The following POLR3E variants were observed in gnomAD, a reference collection of about 807,000 sequenced individuals.
POLR3E encodes DNA-directed RNA polymerase III subunit RPC5.
In POLR3E, 41 loss-of-function variants were observed where a neutral mutation model predicts 96.6. The ratio of observed to expected loss-of-function variants is 0.42; its 90% CI spans 0.33 to 0.55. The LOEUF is 0.55. Ranked by LOEUF, POLR3E falls within the 20% of genes least tolerant of loss-of-function variation. The pLI is 0.06. For synonymous variants in POLR3E, 396 were observed against 383.6 expected, an observed-to-expected ratio of 1.03 and a Z score of -0.38; for missense variants, 849 against 952.1, an observed-to-expected ratio of 0.89 and a Z score of 1.43.
intron 4 of POLR3E, 151 bp from the exon 5 acceptor site, chr16:22,308,774 G>A: frequency 1.7e-6 from 1 of 597,108 alleles, no homozygotes; most frequent in South Asian, 2.0e-5. Flanking sequence ...CCCTTGGTGT[G>A]GACTGAAGTC....
chr16:22,310,917 G>C (rs774270986), intron 6 of POLR3E, among the ~76,000 whole-genome samples: 1 of 151,916 alleles, frequency 6.6e-6, no homozygotes, highest in Non-Finnish European at 1.5e-5. Context: ...GCAAGACTCT[G>C]TCTTGAAAAA....
At chr16:22,321,075 G>A (rs1384074387) in intron 13 of POLR3E, among the ~76,000 whole-genome samples, 3 of 152,068 alleles carry the variant, frequency 2.0e-5, no homozygotes, top group Non-Finnish European at 2.9e-5. Context: ...TCTCTTCGGC[G>A]AATCCTCCCC....
At position 22,299,495 on chromosome 16, in the gene POLR3E, C is replaced by G. The variant is rs1182181790; in HGVS notation, c.-39+1958C>G. ...GTGGCAAGATCTCGGCTCACTGCAACCTCTGCCTTCTGGGTTCAAGTGATT... is the reference window on the plus strand; with the variant it reads ...GTGGCAAGATCTCGGCTCACTGCAAGCTCTGCCTTCTGGGTTCAAGTGATT... On this transcript the variant is annotated intron_variant, in intron 1 of 20. Transcript: ENST00000299853. 3.3e-5 allele frequency among the ~76,000 whole-genome samples: 5 copies of G among 149,728 alleles called. No individual in the cohort carries two copies. In the East Asian group the frequency reaches 7.8e-4, roughly 23 times the overall value.
chr16:22,331,659 G>A (rs1054427392), intron 19 of POLR3E: 1 of 155,306 alleles, frequency 6.4e-6, no homozygotes, highest in Non-Finnish European at 1.4e-5. Context: ...CACCAATTTT[G>A]ACACCCTCTT....
At chr16:22,329,897 A>G (rs2048699524) in intron 19 of POLR3E, among the ~76,000 whole-genome samples, 2 of 150,602 alleles carry the variant, frequency 1.3e-5, no homozygotes, top group South Asian at 4.2e-4. Context: ...CCAAAGTGCT[A>G]GGATCATAGG....
chr16:22,306,732 G>T (rs757884202), intron 3 of POLR3E, among the ~76,000 whole-genome samples: 3 of 152,212 alleles, frequency 2.0e-5, no homozygotes, highest in African/African-American at 4.8e-5. Context: ...TTTCTTCTAG[G>T]TATATGCCTG....
chr16:22,324,627 G>A lies in POLR3E; in HGVS notation c.1253G>A (p.Arg418Gln), dbSNP rs1387340923. 1.9e-6 allele frequency: 3 copies of A among 1,613,842 alleles called. No homozygotes were observed. The highest frequency in any genetic ancestry group is 2.2e-5 in the East Asian group (1 of 44,766). ...FIKKHPDVVQRQHMLWTGIQA... is the reference protein window; with the variant it reads ...FIKKHPDVVQQQHMLWTGIQA... The stretch of plus-strand genomic sequence containing the variant: ...AAGAAGCACCCGGATGTGGTCCAGC[G>A]GCAGCACATGCTGTGGACGGGTATC... The change falls in exon 16 of 21, where the codon CGG (arginine) becomes CAG (glutamine). Residue 418 changes from arginine (R) to glutamine (Q), a missense_variant. By Grantham distance (43) the Arg-to-Gln change is conservative. Transcript: ENST00000299853.
At chr16:22,303,950 A>G (rs2048082468) in intron 2 of POLR3E, among the ~76,000 whole-genome samples, 1 of 149,404 alleles carries the variant, frequency 6.7e-6, no homozygotes, top group African/African-American at 2.5e-5. Context: ...AGCTGGGATT[A>G]CGGGCGCCCG....
intron 16 of POLR3E, among the ~76,000 whole-genome samples, chr16:22,324,901 C>T (rs2048547055): frequency 6.6e-6 from 1 of 152,160 alleles, no homozygotes; most frequent in Admixed American, 6.5e-5. Context: ...ACAGCCAGTA[C>T]CTGCTCATCA....
intron 3 of POLR3E, among the ~76,000 whole-genome samples, chr16:22,305,718 T>C (rs1376880742): frequency 1.3e-5 from 2 of 152,138 alleles, no homozygotes; most frequent in African/African-American, 4.8e-5. Context: ...TCCTGCCAGC[T>C]GCGAGGGCCC....
chr16:22,309,088 G>GGAA, intron 5 of POLR3E, 48 bp downstream of exon 5: 3 of 1,352,680 alleles, frequency 2.2e-6, no homozygotes, highest in Non-Finnish European at 3.2e-6. Context: ...GTTCACACAG[G>GGAA]AGCCTCCAAA....
At chr16:22,325,446 A>C (rs1192834416) in intron 17 of POLR3E, 180 bp downstream of exon 17, 2 of 652,910 alleles carry the variant, frequency 3.1e-6, no homozygotes, top group Non-Finnish European at 5.4e-6. Context: ...GCCCAGCAGC[A>C]GAGCCTCAGG....
chr16:22,309,738 C>T (rs771659172), intron 6 of POLR3E: 1 of 579,432 alleles, frequency 1.7e-6, no homozygotes. Flanking sequence ...GGGTGGGGCT[C>T]CAAGTTCATT....
chr16:22,302,643 G>C lies in POLR3E; in HGVS notation c.-38-288G>C, dbSNP rs1050673160. On this transcript the variant is annotated intron_variant, in intron 1 of 20. Coordinates refer to ENST00000299853, the MANE Select transcript of POLR3E (RefSeq NM_018119.4). ...CAGTGAATTCTCTGTGAGCAGAGAA[G>C]AAACCATTAAAGCCAGTCATTTGCC... 12 of 363,242 alleles carry C rather than the reference G, an allele frequency of 3.3e-5. No individual in the cohort carries two copies. In the Admixed American group the frequency reaches 5.1e-4, roughly 15 times the overall value. 22.5% of individuals were successfully genotyped at this position (363,242 alleles called of 1,614,324 possible). A position where few individuals can be genotyped will look rare whatever the true frequency, so the allele number is the denominator to read the frequency against.
Position 22,317,125 on chromosome 16 carries a change from G to C in POLR3E, c.784G>C (p.Val262Leu), listed in dbSNP as rs771589432. Residue 262 changes from valine to leucine, a missense_variant, in exon 12 of 21, where the codon GTG becomes CTG. Transcript: ENST00000299853. ...PSQEEEKDKP[V>L]APSNVLSMAQ... is the part of the protein sequence containing the mutation. ...CTCTGCTTTTCCCAGAGACAAGCCTGTGGCCCCCAGCAACGTCCTGTCGAT... is the reference window on the plus strand; with the variant it reads ...CTCTGCTTTTCCCAGAGACAAGCCTCTGGCCCCCAGCAACGTCCTGTCGAT... 49 of 1,614,060 alleles carry C rather than the reference G, an allele frequency of 3.0e-5. No individual in the cohort carries two copies. The highest frequency in any genetic ancestry group is 4.1e-5 in the Non-Finnish European group (48 of 1,180,018).
At chr16:22,330,357 T>C (rs1358784930) in intron 19 of POLR3E, among the ~76,000 whole-genome samples, 1 of 152,194 alleles carries the variant, frequency 6.6e-6, no homozygotes. Flanking sequence ...AGTGCTGGGA[T>C]TACAAGCGTG....
rs1418586052 is a variant in POLR3E, at chr16:22,322,906, T to C, written c.1043T>C (p.Val348Ala). ...SSPHSGVPAE[V>A]LCRGRDFVMW... ...CCTCACAGCGGCGTGCCTGCTGAGG[T>C]GCTCTGCAGGGGCCGAGACTTCGTT... The change falls in exon 14 of 21, where the codon GTG (valine) becomes GCG (alanine). Residue 348 changes from valine (V) to alanine (A), a missense_variant. Val to Ala is a moderately conservative substitution (Grantham distance 64). Coordinates refer to ENST00000299853, the MANE Select transcript of POLR3E (RefSeq NM_018119.4). This position sits in a 1 kb window ranked among gnomAD's most constrained non-coding sequence, Gnocchi z 5.2. The C allele has an allele frequency of 1.2e-6, 2 of 1,612,388 alleles. No homozygotes were observed. The highest frequency in any genetic ancestry group is 1.7e-6 in the Non-Finnish European group (2 of 1,179,120).
Position 22,332,124 on chromosome 16 carries a change from C to G in POLR3E, c.2009C>G (p.Ser670Cys). 1 of 1,613,088 alleles carries G rather than the reference C, an allele frequency of 6.2e-7. No homozygotes were observed. Among genetic ancestry groups the G allele is most frequent in the Non-Finnish European group, 8.5e-7 (1 of 1,179,064 alleles). The stretch of plus-strand genomic sequence containing the variant: ...CGGGTACGCCGAAACATGATCCAGT[C>G]TCGGTTGACTCAAGAGTGTGGAGAA... ...NYRVRRNMIQ[S>C]RLTQECGEDL... is the part of the protein sequence containing the mutation. The change falls in exon 20 of 21, where the codon TCT becomes TGT. Residue 670 changes from serine to cysteine, a missense_variant. Coordinates refer to ENST00000299853, the MANE Select transcript of POLR3E (RefSeq NM_018119.4).
rs2048793773 is a variant in POLR3E, at chr16:22,333,791, A to G, written c.*91A>G. The G allele has an allele frequency of 3.5e-6, 3 of 860,520 alleles. No homozygotes were observed. The highest frequency in any genetic ancestry group is 6.0e-6 in the Non-Finnish European group (3 of 499,528). The allele number at this position is 860,520 out of a possible 1,614,324, so 53.3% of individuals were successfully genotyped here. Reference sequence around the variant, plus strand: ...GGCCTCGACTTGCTTCAGACGACACAGAGCAAGAGGAACTGACCATCTCAT... The same window carrying G: ...GGCCTCGACTTGCTTCAGACGACACGGAGCAAGAGGAACTGACCATCTCAT... On this transcript the variant is annotated 3_prime_UTR_variant, in exon 21 of 21. Transcript: ENST00000299853.
Sources: allele counts gnomAD v4.1 joint callset (sites outside exome capture counted in the v4.1 genomes callset), GRCh38; gene constraint gnomAD v4.1.1; non-coding constraint Gnocchi (gnomAD v3.1); transcripts MANE v1.5; gene names NCBI Gene and HGNC (gene_info 2026-07-23, HGNC 2026-07-21).